SYK: variants seen among roughly 807,000 people sequenced by gnomAD.
SYK encodes spleen associated tyrosine kinase.
SYK carries 16 observed loss-of-function variants against 77.8 expected under a neutral mutation model. The ratio of observed to expected loss-of-function variants is 0.21; its 90% CI spans 0.14 to 0.31. The LOEUF (loss-of-function observed/expected upper bound fraction) is 0.31. Among genes scored for constraint, SYK ranks in the 10% least tolerant of loss-of-function variants. The pLI, the probability that SYK is intolerant of heterozygous loss-of-function variation, is 1.00. For synonymous variants in SYK, 312 were observed against 308.7 expected (o/e 1.01, Z -0.11); for missense variants, 529 against 814.4 (o/e 0.65, Z 4.26).
chr9:90,855,163 A>G (rs16905730), intron 3 of SYK, among the ~76,000 whole-genome samples: 13,121 of 152,224 alleles, frequency 0.086, 598 homozygotes, highest in South Asian at 0.19. Flanking sequence ...GGTCATATAG[A>G]ATACTGAAGT....
chr9:90,841,059 TTAG>T (rs1244937060), intron 1 of SYK, among the ~76,000 whole-genome samples: 6 of 144,568 alleles, frequency 4.2e-5, no homozygotes, highest in Non-Finnish European at 7.7e-5. Context: ...TAGTGTAGTG[TTAG>T]TTGTGTGTAC....
At chr9:90,819,352 T>C (rs544176178) in intron 1 of SYK, among the ~76,000 whole-genome samples, 3 of 152,236 alleles carry the variant, frequency 2.0e-5, no homozygotes, top group South Asian at 4.1e-4. Context: ...TTCAAGACCA[T>C]TTGAGGTCAT....
chr9:90,883,594 C>G (rs998465947), intron 11 of SYK, among the ~76,000 whole-genome samples: 3 of 152,118 alleles, frequency 2.0e-5, no homozygotes, highest in Non-Finnish European at 4.4e-5. Context: ...TAGAGACCAC[C>G]CCTCCCTGCG....
At chr9:90,812,741 A>ATGTGTGTGTGTG (rs759021735) in intron 1 of SYK, among the ~76,000 whole-genome samples, 316 of 109,932 alleles carry the variant, frequency 2.9e-3, no homozygotes, top group Middle Eastern at 4.2e-3. Context: ...CCCATTTGAT[A>ATGTGTGTGTGTG]TGTGTGTGTG....
chr9:90,810,603 T>C (rs1005849707), intron 1 of SYK, among the ~76,000 whole-genome samples: 5 of 152,096 alleles, frequency 3.3e-5, no homozygotes, highest in Admixed American at 3.3e-4. Flanking sequence ...TCTCCAGATA[T>C]GGAGATGGAC....
At position 90,841,957 on chromosome 9, in the gene SYK, GTGTGT is replaced by G. The variant is rs1288281298; in HGVS notation, c.-41-1897_-41-1893del. ...GTGTGTAGTGTGTGTGGTGTGTGTAGTGTGTTGTATGTGGAGTGTATGTAGTTTTT... is the reference window on the plus strand; with the variant it reads ...GTGTGTAGTGTGTGTGGTGTGTGTAGTGTATGTGGAGTGTATGTAGTTTTT... On this transcript the variant is annotated intron_variant, in intron 1 of 13. Transcript: ENST00000375754. Among the ~76,000 whole-genome samples the G allele has an allele frequency of 1.4e-4, 20 of 142,036 alleles. No individual in the cohort carries two copies. In the East Asian group the frequency reaches 4.0e-3, roughly 29 times the overall value. The allele number at this position is 142,036 out of a possible 152,430, so 93.2% of individuals were successfully genotyped here.
At chr9:90,849,010 G>C (rs1826710703) in intron 3 of SYK, among the ~76,000 whole-genome samples, 1 of 152,202 alleles carries the variant, frequency 6.6e-6, no homozygotes, top group African/African-American at 2.4e-5. Context: ...GGGGAGCAGG[G>C]CACCCACAGA....
At chr9:90,823,067 G>A (rs781657010) in intron 1 of SYK, among the ~76,000 whole-genome samples, 1 of 152,016 alleles carries the variant, frequency 6.6e-6, no homozygotes, top group Non-Finnish European at 1.5e-5. Flanking sequence ...GTCTCAGCTG[G>A]GAATTCCCAA....
intron 3 of SYK, 37 bp downstream of exon 3, chr9:90,845,631 A>G: frequency 6.2e-7 from 1 of 1,603,778 alleles, no homozygotes. Context: ...TCCTGCCACC[A>G]GGCCTGTGTG....
At chr9:90,874,952 A>G (rs1827871990) in intron 9 of SYK, 103 bp downstream of exon 9, 4 of 1,315,254 alleles carry the variant, frequency 3.0e-6, no homozygotes, top group African/African-American at 1.5e-5. Context: ...CCCTTTTTTT[A>G]TTAATGCTAC....
chr9:90,898,350 G>A lies in SYK; in HGVS notation c.*2750G>A. 4.4e-6 allele frequency: 1 copy of A among 228,488 alleles called. No individual in the cohort carries two copies. Among genetic ancestry groups the A allele is most frequent in the Middle Eastern group, 1.3e-3 (1 of 746 alleles). 14.2% of individuals were successfully genotyped at this position (228,488 alleles called of 1,614,324 possible). A position where few individuals can be genotyped will look rare whatever the true frequency, so the allele number is the denominator to read the frequency against. ...TAGCTGCTGTATGGTGATTGCACTTGGACATCAGTCCAATGACTGCAAGTC... is the reference window on the plus strand; with the variant it reads ...TAGCTGCTGTATGGTGATTGCACTTAGACATCAGTCCAATGACTGCAAGTC... On this transcript the variant is annotated 3_prime_UTR_variant, in exon 14 of 14. Transcript: ENST00000375754.
intron 3 of SYK, among the ~76,000 whole-genome samples, chr9:90,848,801 C>T (rs1351183448): frequency 9.2e-5 from 14 of 152,310 alleles, no homozygotes. Context: ...GGAGAAAAGA[C>T]GCTGAACAAT....
intron 11 of SYK, among the ~76,000 whole-genome samples, 184 bp downstream of exon 11, chr9:90,879,137 C>T (rs1203005890): frequency 1.3e-5 from 2 of 152,074 alleles, no homozygotes; most frequent in African/African-American, 2.4e-5. Context: ...TAATATCACA[C>T]CTTGAGATTT....
rs534145416 is a variant in SYK, at chr9:90,815,960, G to T, written c.-42+14067G>T. Reference sequence around the variant, plus strand: ...TCTCTAGAGAGCTTTACAAGGGAGAGATTCTGAGTGTTAGGGCTGGGAAAA... The same window carrying T: ...TCTCTAGAGAGCTTTACAAGGGAGATATTCTGAGTGTTAGGGCTGGGAAAA... On this transcript the variant is annotated intron_variant, in intron 1 of 13. Transcript: ENST00000375754. 3.9e-5 allele frequency among the ~76,000 whole-genome samples: 6 copies of T among 152,370 alleles called. No homozygotes were observed. The South Asian group carries it at 1.0e-3, about 26-fold the overall frequency.
chr9:90,856,550 G>A (rs1246457746), intron 3 of SYK, among the ~76,000 whole-genome samples: 1 of 139,058 alleles, frequency 7.2e-6, no homozygotes, highest in Non-Finnish European at 1.6e-5. Context: ...CTCATTCACT[G>A]ATTTTTTTTA....
chr9:90,805,571 T>G (rs1824795684), intron 1 of SYK, among the ~76,000 whole-genome samples: 1 of 152,226 alleles, frequency 6.6e-6, no homozygotes, highest in Non-Finnish European at 1.5e-5. Flanking sequence ...TTGCTTTACT[T>G]AAGTATACTC....
chr9:90,886,211 C>T (rs549143881), intron 11 of SYK, among the ~76,000 whole-genome samples: 17 of 152,268 alleles, frequency 1.1e-4, no homozygotes, highest in African/African-American at 4.1e-4. Context: ...TGAAAAAATG[C>T]TCAATATCAC....
intron 10 of SYK, among the ~76,000 whole-genome samples, chr9:90,878,001 G>T (rs56271053): frequency 0.059 from 8,912 of 152,304 alleles, 357 homozygotes; most frequent in East Asian, 0.12. Flanking sequence ...TCATTTGACA[G>T]TTTTGTCTTT....
intron 1 of SYK, among the ~76,000 whole-genome samples, chr9:90,812,438 C>T (rs1173672136): frequency 6.6e-6 from 1 of 152,166 alleles, no homozygotes; most frequent in Non-Finnish European, 1.5e-5. Context: ...TTGCACCCTG[C>T]TGTCACTCAG....
Sources: allele counts gnomAD v4.1 joint callset (sites outside exome capture counted in the v4.1 genomes callset), GRCh38; gene constraint gnomAD v4.1.1; transcripts MANE v1.5; gene names NCBI Gene and HGNC (gene_info 2026-07-23, HGNC 2026-07-21).